CRADD: variants seen among roughly 807,000 people sequenced by gnomAD.
CRADD encodes the protein death domain-containing protein CRADD.
CRADD carries 9 observed loss-of-function variants against 15.5 expected under a neutral mutation model. The ratio of observed to expected loss-of-function variants is 0.58; its 90% CI spans 0.35 to 1.01. CRADD has a LOEUF of 1.01. Among genes scored for constraint, CRADD ranks in the 50% least tolerant of loss-of-function variants. The probability of loss-of-function intolerance (pLI) is 0.02; values close to 1 mark genes in which losing one functional copy is unlikely to be tolerated. For synonymous variants in CRADD, 118 were observed against 107.6 expected, an observed-to-expected ratio of 1.10 and a Z score of -0.60; for missense variants, 227 against 250.3, an observed-to-expected ratio of 0.91 and a Z score of 0.63.
chr12:93,852,836 AGT>A (rs58175344), downstream of CRADD, among the ~76,000 whole-genome samples: 453 of 149,496 alleles, frequency 3.0e-3, 5 homozygotes, highest in East Asian at 0.012. Flanking sequence ...GTTGGGTTGG[AGT>A]GTGTGTGTGT....
At chr12:93,750,873 A>AT (rs1956821117) in intron 2 of CRADD, among the ~76,000 whole-genome samples, 1 of 152,236 alleles carries the variant, frequency 6.6e-6, no homozygotes, top group African/African-American at 2.4e-5. Flanking sequence ...TTATAGTATG[A>AT]TAGAGAGGTA....
At chr12:93,845,252 G>T (rs1312954154) in intron 2 of CRADD, among the ~76,000 whole-genome samples, 1 of 152,236 alleles carries the variant, frequency 6.6e-6, no homozygotes, top group Non-Finnish European at 1.5e-5. Flanking sequence ...TAGCTCAGAG[G>T]TAGAACGACA....
intron 2 of CRADD, among the ~76,000 whole-genome samples, chr12:93,702,304 G>T (rs544609795): frequency 3.3e-5 from 5 of 152,098 alleles, no homozygotes; most frequent in Non-Finnish European, 7.4e-5. Flanking sequence ...TCTGGGCTTG[G>T]CAGGGTAGGT....
chr12:93,769,583 T>C (rs895242527), intron 2 of CRADD, among the ~76,000 whole-genome samples: 10 of 152,376 alleles, frequency 6.6e-5, no homozygotes, highest in African/African-American at 2.4e-4. Context: ...ACTGTGAAAG[T>C]GGTTGCACAA....
intron 2 of CRADD, among the ~76,000 whole-genome samples, chr12:93,886,162 C>CTTTTTTTTTTTTTT (rs761719331): frequency 8.1e-6 from 1 of 123,948 alleles, no homozygotes. Flanking sequence ...GCTGCTGATG[C>CTTTTTTTTTTTTTT]TTTTTTTTTT....
intron 2 of CRADD, among the ~76,000 whole-genome samples, chr12:93,682,735 C>T (rs535900157): frequency 6.6e-6 from 1 of 151,892 alleles, no homozygotes; most frequent in Non-Finnish European, 1.5e-5. Context: ...CATCAAATCT[C>T]AAAACATACA....
At position 93,824,202 on chromosome 12, in the gene CRADD, A is replaced by T. The variant is rs1957799553; in HGVS notation, c.299-25768A>T. 6.6e-6 allele frequency among the ~76,000 whole-genome samples: 1 copy of T among 152,176 alleles called. No individual in the cohort carries two copies. The highest frequency in any genetic ancestry group is 1.5e-5 in the Non-Finnish European group (1 of 68,034). ...ACCCTCACCTCTAGGCTGCTGTAGG[A>T]CACACCCCGGTCTCATTTTCAGTGT... On this transcript the variant is annotated intron_variant, in intron 2 of 2. Coordinates refer to ENST00000332896, the MANE Select transcript of CRADD (RefSeq NM_003805.5). This position sits in a 1 kb window ranked among gnomAD's most constrained non-coding sequence, Gnocchi z 4.3.
chr12:93,697,615 TA>T (rs1175460429), intron 2 of CRADD, among the ~76,000 whole-genome samples: 1 of 152,128 alleles, frequency 6.6e-6, no homozygotes, highest in Admixed American at 6.5e-5. Flanking sequence ...TAAGTTAATT[TA>T]AAAAAGAGAT....
At chr12:93,892,220 G>C (rs1478072316) in intron 2 of CRADD, among the ~76,000 whole-genome samples, 2 of 152,168 alleles carry the variant, frequency 1.3e-5, no homozygotes, top group African/African-American at 4.8e-5. Flanking sequence ...TGATCGGCAG[G>C]TACACCCAAT....
chr12:93,827,267 T>A (rs781619267), intron 2 of CRADD, among the ~76,000 whole-genome samples: 2 of 152,166 alleles, frequency 1.3e-5, no homozygotes, highest in Non-Finnish European at 2.9e-5. Context: ...CTGCCTTCTG[T>A]CATTATGTGT....
At chr12:93,722,615 C>T (rs1956283935) in intron 2 of CRADD, among the ~76,000 whole-genome samples, 1 of 152,102 alleles carries the variant, frequency 6.6e-6, no homozygotes. Context: ...GTCCAGTCTA[C>T]TAATAAGCCT....
intron 2 of CRADD, among the ~76,000 whole-genome samples, chr12:93,711,363 T>G (rs1956070901): frequency 6.6e-6 from 1 of 152,110 alleles, no homozygotes; most frequent in South Asian, 2.1e-4. Flanking sequence ...GATTCAATTC[T>G]TGCTTCCTAC....
Position 93,841,276 on chromosome 12 carries a change from C to T in CRADD, c.299-8694C>T, listed in dbSNP as rs140529751. On this transcript the variant is annotated intron_variant, in intron 2 of 2. Coordinates refer to ENST00000332896, the MANE Select transcript of CRADD (RefSeq NM_003805.5). ...TTCTAAAATCGTAACTGAAACAAGCCTATAATTTTTCCTCTTCTTGTATTC... is the reference window on the plus strand; with the variant it reads ...TTCTAAAATCGTAACTGAAACAAGCTTATAATTTTTCCTCTTCTTGTATTC... Among the ~76,000 whole-genome samples the T allele has an allele frequency of 1.3e-3, 205 of 152,206 alleles. 2 individuals carry two copies. Among genetic ancestry groups the T allele is most frequent in the African/African-American group, 4.9e-3 (203 of 41,510 alleles).
intron 2 of CRADD, among the ~76,000 whole-genome samples, chr12:93,704,213 A>G (rs1197412182): frequency 1.3e-5 from 2 of 152,060 alleles, no homozygotes; most frequent in Non-Finnish European, 2.9e-5. Context: ...CAAAAAGACT[A>G]CTGGATTAGA....
intron 2 of CRADD, among the ~76,000 whole-genome samples, chr12:93,777,373 G>A (rs1411100930): frequency 6.6e-6 from 1 of 152,168 alleles, no homozygotes; most frequent in Non-Finnish European, 1.5e-5. Flanking sequence ...TCAGTCCTTC[G>A]AATACACAGA....
At chr12:93,742,099 A>G (rs544071200) in intron 2 of CRADD, among the ~76,000 whole-genome samples, 1 of 152,314 alleles carries the variant, frequency 6.6e-6, no homozygotes, top group South Asian at 2.1e-4. Flanking sequence ...AAATCCTTTA[A>G]AAGATGTCAA....
At chr12:93,780,169 A>C (rs1341291419) in intron 2 of CRADD, among the ~76,000 whole-genome samples, 1 of 151,450 alleles carries the variant, frequency 6.6e-6, no homozygotes, top group East Asian at 1.9e-4. Context: ...AAATATGACG[A>C]AAAACAGACC....
At chr12:93,894,107 G>C (rs1266744109) in exon 3 of CRADD, 1 of 702,476 alleles carries the variant, frequency 1.4e-6, no homozygotes, top group Admixed American at 2.0e-5. Flanking sequence ...CAGCTCACCT[G>C]GAGATTCTGA....
chr12:93,814,155 T>C (rs1957664420), intron 2 of CRADD, among the ~76,000 whole-genome samples: 1 of 152,196 alleles, frequency 6.6e-6, no homozygotes, highest in Non-Finnish European at 1.5e-5. Context: ...TGTAGACATA[T>C]TGTTTTCCCA....
Sources: gnomAD v4.1 joint callset for allele counts (sites outside exome capture counted in the v4.1 genomes callset) on GRCh38, gnomAD v4.1.1 for gene constraint, Gnocchi (gnomAD v3.1) non-coding constraint, MANE v1.5 for transcripts, NCBI Gene and HGNC (gene_info 2026-07-23, HGNC 2026-07-21) for gene names.